STK3: variants seen among roughly 807,000 people sequenced by gnomAD.
STK3 encodes serine/threonine-protein kinase 3.
A neutral mutation model predicts 58.0 loss-of-function variants in STK3; 41 were observed. The observed-to-expected ratio is 0.71, with a 90% confidence interval of 0.55 to 0.92. The LOEUF (loss-of-function observed/expected upper bound fraction) is 0.92, where lower values mean the gene tolerates loss of function less well. Among genes scored for constraint, STK3 ranks in the 40% least tolerant of loss-of-function variants. The pLI is 0.00. For synonymous variants in STK3, 170 were observed against 191.0 expected (o/e 0.89, Z 0.91); for missense variants, 479 against 602.7 (o/e 0.79, Z 2.15).
intron 10 of STK3, among the ~76,000 whole-genome samples, chr8:98,502,529 A>G (rs1447226190): frequency 6.6e-6 from 1 of 152,172 alleles, no homozygotes; most frequent in African/African-American, 2.4e-5. Context: ...TCAGTATGAT[A>G]TTGGCTGTAG....
chr8:98,567,347 A>T (rs566111417), intron 8 of STK3, among the ~76,000 whole-genome samples: 3 of 152,188 alleles, frequency 2.0e-5, no homozygotes, highest in African/African-American at 7.2e-5. Flanking sequence ...ACAGGTGAGC[A>T]CCACCATGCC....
chr8:98,526,535 A>T (rs1825753269), intron 10 of STK3: 1 of 353,096 alleles, frequency 2.8e-6, no homozygotes. Flanking sequence ...ACTATAAAAA[A>T]GTATTTCTCT....
intron 1 of STK3, among the ~76,000 whole-genome samples, chr8:98,906,989 T>TTAAA (rs1838930277): frequency 1.1e-5 from 1 of 94,784 alleles, no homozygotes; most frequent in African/African-American, 4.2e-5. Context: ...TCTCTACCAA[T>TTAAA]AAAAAAAAAA....
intron 10 of STK3, among the ~76,000 whole-genome samples, chr8:98,465,226 T>C (rs1820375025): frequency 6.6e-6 from 1 of 152,156 alleles, no homozygotes; most frequent in Non-Finnish European, 1.5e-5. Flanking sequence ...AGAGATCAAA[T>C]GATCCACCCT....
At chr8:98,642,716 T>C (rs1012985533) in intron 6 of STK3, among the ~76,000 whole-genome samples, 1 of 152,182 alleles carries the variant, frequency 6.6e-6, no homozygotes, top group Admixed American at 6.5e-5. Context: ...TGTAGATAAA[T>C]ATGTAAACTG....
intron 2 of STK3, among the ~76,000 whole-genome samples, chr8:98,374,068 A>AGCATTCTT: frequency 1.3e-5 from 2 of 152,342 alleles, no homozygotes; most frequent in Non-Finnish European, 2.9e-5. Flanking sequence ...TGAAAACAGT[A>AGCATTCTT]GCATTCTTGT....
chr8:98,525,719 A>C (rs1343330437), intron 10 of STK3, among the ~76,000 whole-genome samples: 1 of 152,084 alleles, frequency 6.6e-6, no homozygotes, highest in African/African-American at 2.4e-5. Flanking sequence ...GCTAGCAATT[A>C]GTACTAAATT....
chr8:98,801,177 AT>A (rs1438683473), intron 1 of STK3, among the ~76,000 whole-genome samples: 2 of 151,276 alleles, frequency 1.3e-5, no homozygotes, highest in Non-Finnish European at 2.9e-5. Context: ...TAGCTAGAGG[AT>A]TGTAAATACA....
chr8:98,884,393 T>G (rs1837905425), intron 1 of STK3, among the ~76,000 whole-genome samples: 1 of 152,206 alleles, frequency 6.6e-6, no homozygotes, highest in South Asian at 2.1e-4. Context: ...AATCTCAGAC[T>G]TTTTACAAAA....
intron 6 of STK3, among the ~76,000 whole-genome samples, chr8:98,696,319 T>A (rs1387261927): frequency 6.6e-6 from 1 of 151,984 alleles, no homozygotes; most frequent in Non-Finnish European, 1.5e-5. Context: ...CAATTTGACT[T>A]CCTCTTTTCC....
intron 1 of STK3, among the ~76,000 whole-genome samples, chr8:98,900,311 C>T (rs1381750342): frequency 2.6e-5 from 4 of 152,164 alleles, no homozygotes; most frequent in Non-Finnish European, 5.9e-5. Flanking sequence ...AAACTCCTGA[C>T]CTCAAGTGAT....
chr8:98,426,770 G>A (rs1441305362), intron 3 of STK3, among the ~76,000 whole-genome samples: 4 of 152,178 alleles, frequency 2.6e-5, no homozygotes, highest in African/African-American at 7.2e-5. Context: ...CGCCCTGGGG[G>A]TGGTGATAAT....
chr8:98,695,972 G>A (rs924210666), intron 6 of STK3, among the ~76,000 whole-genome samples: 80 of 151,970 alleles, frequency 5.3e-4, no homozygotes, highest in African/African-American at 1.8e-3. Context: ...CCATTTTCAC[G>A]ATATTGATTC....
chr8:98,458,314 G>A (rs1442437445), intron 10 of STK3, among the ~76,000 whole-genome samples: 1 of 152,112 alleles, frequency 6.6e-6, no homozygotes, highest in African/African-American at 2.4e-5. Flanking sequence ...CCATGAGCAT[G>A]GGATGTATTT....
intron 9 of STK3, among the ~76,000 whole-genome samples, chr8:98,545,142 T>A (rs562636348): frequency 6.6e-6 from 1 of 152,276 alleles, no homozygotes; most frequent in East Asian, 1.9e-4. Flanking sequence ...GGATAATAAA[T>A]CCTAAATTGA....
At chr8:98,498,251 C>T (rs905198576) in intron 10 of STK3, among the ~76,000 whole-genome samples, 1 of 151,972 alleles carries the variant, frequency 6.6e-6, no homozygotes, top group African/African-American at 2.4e-5. Flanking sequence ...TGCCTATCAT[C>T]AAGTTCTTCC....
At chr8:98,748,233 C>G (rs1829764179) in intron 4 of STK3, among the ~76,000 whole-genome samples, 1 of 152,086 alleles carries the variant, frequency 6.6e-6, no homozygotes, top group African/African-American at 2.4e-5. Context: ...AATTACTTTC[C>G]ACTGAAGCAT....
At chr8:98,427,995 C>T in intron 3 of STK3, 1 of 1,565,708 alleles carries the variant, frequency 6.4e-7, no homozygotes, top group Non-Finnish European at 8.7e-7. Context: ...CGGCCAGAGC[C>T]TGTGGGACGT....
At chr8:98,922,921 C>A (rs1008981139) in intron 1 of STK3, among the ~76,000 whole-genome samples, 6 of 152,130 alleles carry the variant, frequency 3.9e-5, no homozygotes, top group African/African-American at 1.4e-4. Flanking sequence ...TATTAGCAAA[C>A]CCTTTTTATG....
Sources: gnomAD v4.1 joint callset for allele counts (sites outside exome capture counted in the v4.1 genomes callset) on GRCh38, gnomAD v4.1.1 for gene constraint, MANE v1.5 for transcripts, NCBI Gene and HGNC (gene_info 2026-07-23, HGNC 2026-07-21) for gene names.